Variants in NTAQ1 observed in about 807,000 individuals in gnomAD.
NTAQ1 encodes N-terminal glutamine amidase 1.
Under a neutral mutation model 28.2 loss-of-function variants are expected in NTAQ1, and 21 were observed. The observed-to-expected ratio is 0.74, with a 90% CI of 0.53 to 1.07. NTAQ1 has a LOEUF of 1.07. Among genes scored for constraint, NTAQ1 ranks in the 50% least tolerant of loss-of-function variants. The pLI is 0.00. For synonymous variants in NTAQ1, 105 were observed against 90.0 expected, an observed-to-expected ratio of 1.17 and a Z score of -0.94; for missense variants, 264 against 256.6, an observed-to-expected ratio of 1.03 and a Z score of -0.20.
chr8:123,474,002 T>G (rs1453703633), downstream of NTAQ1, among the ~76,000 whole-genome samples: 1 of 152,180 alleles, frequency 6.6e-6, no homozygotes, highest in Non-Finnish European at 1.5e-5. Context: ...TGTGAACATA[T>G]TTGTTATTTT....
downstream of NTAQ1, among the ~76,000 whole-genome samples, chr8:123,445,309 T>G (rs1443474757): frequency 6.6e-6 from 1 of 152,002 alleles, no homozygotes; most frequent in African/African-American, 2.4e-5. Flanking sequence ...AAACATATTG[T>G]TCTGTATTTT....
chr8:123,447,797 AAAC>A (rs1431997401), intron 6 of NTAQ1, among the ~76,000 whole-genome samples: 1 of 152,200 alleles, frequency 6.6e-6, no homozygotes, highest in Non-Finnish European at 1.5e-5. Flanking sequence ...AAAAAACAAA[AAAC>A]AACTCTGCAA....
At chr8:123,475,116 A>G in the NTAQ1 span, among the ~76,000 whole-genome samples, 1 of 152,024 alleles carries the variant, frequency 6.6e-6, no homozygotes, top group Non-Finnish European at 1.5e-5. Context: ...GCTGATGAAT[A>G]TTTATTTTAT....
chr8:123,451,528 A>G (rs34345458), downstream of NTAQ1, among the ~76,000 whole-genome samples: 54,933 of 151,672 alleles, frequency 0.36, 10,042 homozygotes, highest in East Asian at 0.56. Context: ...TATTAGAGAC[A>G]GAGTTTCATC....
chr8:123,434,556 T>C (rs13252731), intron 3 of NTAQ1, among the ~76,000 whole-genome samples: 55,041 of 151,682 alleles, frequency 0.36, 10,079 homozygotes, highest in East Asian at 0.56. Context: ...ACCCCGGAGG[T>C]GGAGGTTGCA....
chr8:123,460,233 C>T (rs1294724127), intron 6 of NTAQ1, among the ~76,000 whole-genome samples: 1 of 152,164 alleles, frequency 6.6e-6, no homozygotes, highest in Non-Finnish European at 1.5e-5. Context: ...AGGCACTGCT[C>T]AAAACTACTT....
intron 1 of NTAQ1, among the ~76,000 whole-genome samples, chr8:123,426,010 C>T (rs1343921067): frequency 2.6e-5 from 4 of 152,104 alleles, no homozygotes; most frequent in African/African-American, 4.8e-5. Flanking sequence ...GGTGACAGAG[C>T]GAGACTCCGT....
Position 123,440,783 on chromosome 8 carries a change from G to A in NTAQ1, c.509-523G>A, listed in dbSNP as rs542712118. On this transcript the variant is annotated intron_variant, in intron 5 of 5. Transcript: ENST00000287387. ...CCCAAAGTGCTGGGATTACAGGTGT[G>A]AGCCAACATGCTTGGCTCAGAGCAG... Among the ~76,000 whole-genome samples, 18 of 152,256 alleles carry A rather than the reference G, an allele frequency of 1.2e-4. No individual in the cohort carries two copies. In the East Asian group the frequency reaches 3.5e-3, roughly 29 times the overall value.
At position 123,441,325 on chromosome 8, in the gene NTAQ1, C is replaced by A; in HGVS notation, c.528C>A (p.Asn176Lys). Reference sequence around the variant, plus strand: ...TTTTAGATTCCAAAATGAACCTGAACGATTTCATCAGTATGGATCCCAAGG... The same window carrying A: ...TTTTAGATTCCAAAATGAACCTGAAAGATTTCATCAGTATGGATCCCAAGG... ...IETGDSKMNL[N>K]DFISMDPKVG... is the part of the protein sequence containing the mutation. The change falls in exon 6 of 6, where the codon AAC (asparagine) becomes AAA (lysine). Residue 176 changes from asparagine to lysine, a missense_variant. Coordinates refer to ENST00000287387, the MANE Select transcript of NTAQ1 (RefSeq NM_018024.3). 2.5e-6 allele frequency: 4 copies of A among 1,608,706 alleles called. No homozygotes were observed. Among genetic ancestry groups the A allele is most frequent in the Non-Finnish European group, 3.4e-6 (4 of 1,177,364 alleles).
chr8:123,469,234 A>G (rs901906456), exon 7 of NTAQ1, among the ~76,000 whole-genome samples: 1 of 152,104 alleles, frequency 6.6e-6, no homozygotes, highest in East Asian at 1.9e-4. Flanking sequence ...ATATAATTCC[A>G]TTTGTCTACT....
At chr8:123,422,606 G>GTTTTTTTTTTT (rs112284256) in intron 1 of NTAQ1, among the ~76,000 whole-genome samples, 2 of 134,420 alleles carry the variant, frequency 1.5e-5, no homozygotes, top group African/African-American at 5.7e-5. Context: ...TCCATTGATA[G>GTTTTTTTTTTT]TTTTTTTTTT....
chr8:123,434,791 G>C (rs1202077330), intron 3 of NTAQ1, among the ~76,000 whole-genome samples: 3 of 152,210 alleles, frequency 2.0e-5, no homozygotes, highest in Non-Finnish European at 4.4e-5. Context: ...GGTAGAGAAG[G>C]TTGCTGCAGA....
intron 1 of NTAQ1, 63 bp downstream of exon 1, chr8:123,416,995 G>T: frequency 7.3e-7 from 1 of 1,372,102 alleles, no homozygotes; most frequent in Non-Finnish European, 9.5e-7. Flanking sequence ...TCGCAACCGG[G>T]CCCCGCCTCT....
At chr8:123,464,498 C>T (rs1402279036) in intron 6 of NTAQ1, among the ~76,000 whole-genome samples, 1 of 152,176 alleles carries the variant, frequency 6.6e-6, no homozygotes, top group Non-Finnish European at 1.5e-5. Context: ...AGAGACGCCA[C>T]TGGAGAGAGC....
chr8:123,428,875 T>TA (rs1264896414), intron 2 of NTAQ1, among the ~76,000 whole-genome samples: 3 of 152,200 alleles, frequency 2.0e-5, no homozygotes, highest in Admixed American at 2.0e-4. Flanking sequence ...GTGGTGGGAT[T>TA]ACCAGCATGA....
At chr8:123,449,729 G>A (rs977007662), downstream of NTAQ1, among the ~76,000 whole-genome samples, 3 of 151,030 alleles carry the variant, frequency 2.0e-5, no homozygotes, top group African/African-American at 7.3e-5. Flanking sequence ...TGAGGTGCCA[G>A]TTGGATGTCT....
Position 123,429,970 on chromosome 8 carries a change from T to A in NTAQ1, c.184-13T>A. 6.2e-7 allele frequency: 1 copy of A among 1,600,214 alleles called. No homozygotes were observed. Among genetic ancestry groups the A allele is most frequent in the Non-Finnish European group, 8.5e-7 (1 of 1,172,036 alleles). ...CTAAAGGTATGGCTTACGAAATGTA[T>A]TGTATTTTGTAGATACCTATCTGGA... is the stretch of plus-strand genomic sequence containing the variant. On this transcript the variant is annotated splice_polypyrimidine_tract_variant and intron_variant, in intron 2 of 5. Coordinates refer to ENST00000287387, the MANE Select transcript of NTAQ1 (RefSeq NM_018024.3).
At chr8:123,427,886 T>G in intron 1 of NTAQ1, 38 bp from the exon 2 acceptor site, 1 of 1,501,184 alleles carries the variant, frequency 6.7e-7, no homozygotes, top group Non-Finnish European at 9.1e-7. Context: ...ACACATAGAA[T>G]GTTCTCTAAT....
rs530467996 is a variant in NTAQ1, at chr8:123,436,553, T to C, written c.335T>C (p.Val112Ala). The change falls in exon 4 of 6, where the codon GTA becomes GCA. Residue 112 changes from valine (V) to alanine (A), a missense_variant. Transcript: ENST00000287387. ...LPFPCLFDTY[V>A]EDAFKSDDDI... ...TTTCCCTGCCTCTTTGACACTTATG[T>C]AGAAGATGCCTTTAAGTCTGATGAT... 1.2e-6 allele frequency: 2 copies of C among 1,614,100 alleles called. No individual in the cohort carries two copies. The highest frequency in any genetic ancestry group is 3.3e-5 in the Admixed American group (2 of 60,012).
Sources: gnomAD v4.1 joint callset for allele counts (sites outside exome capture counted in the v4.1 genomes callset) on GRCh38, gnomAD v4.1.1 for gene constraint, MANE v1.5 for transcripts, NCBI Gene and HGNC (gene_info 2026-07-23, HGNC 2026-07-21) for gene names.